AIG1: variants seen among roughly 807,000 people sequenced by gnomAD.
The protein encoded by AIG1 is androgen induced 1.
AIG1 carries 23 observed loss-of-function variants against 31.4 expected under a neutral mutation model. That is an observed-to-expected ratio of 0.73 (90% CI 0.53 to 1.04). The LOEUF is 1.04. AIG1 is among the 50% of genes least tolerant of loss of function. The pLI is 0.00. For synonymous variants in AIG1, 100 were observed against 110.5 expected (o/e 0.90, Z 0.60); for missense variants, 274 against 295.0 (o/e 0.93, Z 0.52).
chr6:143,156,738 T>C (rs1032548943), intron 2 of AIG1, among the ~76,000 whole-genome samples: 2 of 152,216 alleles, frequency 1.3e-5, no homozygotes, highest in African/African-American at 4.8e-5. Flanking sequence ...CATATTGCAG[T>C]TGTAACTGAG....
At chr6:143,125,332 A>G (rs1341247636) in intron 1 of AIG1, among the ~76,000 whole-genome samples, 1 of 152,240 alleles carries the variant, frequency 6.6e-6, no homozygotes, top group Non-Finnish European at 1.5e-5. Context: ...ACTTAAAAGC[A>G]TATTCACCTT....
At chr6:143,213,342 G>A (rs953704376) in intron 3 of AIG1, among the ~76,000 whole-genome samples, 14 of 152,012 alleles carry the variant, frequency 9.2e-5, no homozygotes, top group African/African-American at 3.4e-4. Flanking sequence ...CATCGTTGAA[G>A]TGAGAAACAG....
chr6:143,105,323 AGT>A (rs1466430126), intron 1 of AIG1, among the ~76,000 whole-genome samples: 1 of 152,192 alleles, frequency 6.6e-6, no homozygotes, highest in East Asian at 1.9e-4. Flanking sequence ...GGGTGTGAGT[AGT>A]GTTCAAGATG....
intron 1 of AIG1, among the ~76,000 whole-genome samples, chr6:143,098,381 C>G (rs541525164): frequency 3.9e-5 from 6 of 152,300 alleles, no homozygotes; most frequent in Non-Finnish European, 8.8e-5. Context: ...AAGTGACACT[C>G]TTACCTTTCT....
intron 3 of AIG1, among the ~76,000 whole-genome samples, chr6:143,238,113 G>A (rs1204001513): frequency 2.0e-5 from 3 of 152,038 alleles, no homozygotes; most frequent in African/African-American, 4.8e-5. Context: ...GCTAATTTTT[G>A]TATTTTTAGT....
At chr6:143,147,576 A>G (rs1469899657) in intron 2 of AIG1, among the ~76,000 whole-genome samples, 1 of 152,148 alleles carries the variant, frequency 6.6e-6, no homozygotes, top group African/African-American at 2.4e-5. Context: ...CGGCTATTAC[A>G]CTAGATAATA....
rs1797584922 is a variant in AIG1, at chr6:143,284,885, C to T, written c.515+660C>T. Among the ~76,000 whole-genome samples, 1 of 152,156 alleles carries T rather than the reference C, an allele frequency of 6.6e-6. No homozygotes were observed. Among genetic ancestry groups the T allele is most frequent in the Non-Finnish European group, 1.5e-5 (1 of 68,016 alleles). The stretch of plus-strand genomic sequence containing the variant: ...ATTTCAGTTCTTATCAGGTTTTTAA[C>T]ACTTCAAAAATTATTTATCTTAACA... On this transcript the variant is annotated intron_variant, in intron 4 of 5. Transcript: ENST00000357847. This position sits in a 1 kb window ranked among gnomAD's most constrained non-coding sequence, Gnocchi z 4.4.
chr6:143,264,502 A>G (rs117816593), intron 3 of AIG1, among the ~76,000 whole-genome samples: 1,571 of 152,314 alleles, frequency 0.01, 45 homozygotes, highest in East Asian at 0.065. Flanking sequence ...AGGAAGCCCC[A>G]CAGGAGGTGC....
Position 143,121,583 on chromosome 6 carries a change from A to G in AIG1, c.142-15252A>G, listed in dbSNP as rs569245196. ...TTAGCTATTTGGAGAAGCTATTAAA[A>G]CCATTTGCTAGGAGCAATTCCAGTG... On this transcript the variant is annotated intron_variant, in intron 1 of 5. Coordinates refer to ENST00000357847, the MANE Select transcript of AIG1 (RefSeq NM_016108.4). 3.3e-5 allele frequency among the ~76,000 whole-genome samples: 5 copies of G among 152,190 alleles called. No individual in the cohort carries two copies. In the South Asian group the frequency reaches 8.3e-4, roughly 25 times the overall value.
chr6:143,080,767 T>G (rs1778175720), intron 1 of AIG1, among the ~76,000 whole-genome samples: 1 of 152,086 alleles, frequency 6.6e-6, no homozygotes, highest in African/African-American at 2.4e-5. Flanking sequence ...TCGGGTTCCT[T>G]TGGCAGTATC....
intron 3 of AIG1, among the ~76,000 whole-genome samples, chr6:143,210,560 C>A (rs146579568): frequency 3.9e-5 from 6 of 152,258 alleles, no homozygotes; most frequent in African/African-American, 1.4e-4. Context: ...AAAGTGTAAA[C>A]CCTCTGTGTA....
In AIG1 at chr6:143,127,082, C is replaced by T. The variant is rs74900316; in HGVS notation, c.142-9753C>T. ...TTTTATATGTAGATAGACTATTCCT[C>T]TCTGGATTACATATAAATTTATTAA... On this transcript the variant is annotated intron_variant, in intron 1 of 5. Transcript: ENST00000357847. Among the ~76,000 whole-genome samples the T allele has an allele frequency of 4.4e-3, 676 of 152,290 alleles. 3 individuals are homozygous for T. Among genetic ancestry groups the T allele is most frequent in the Non-Finnish European group, 7.8e-3 (531 of 68,026 alleles).
intron 3 of AIG1, 108 bp downstream of exon 3, chr6:143,165,291 C>T: frequency 1.2e-6 from 1 of 809,440 alleles, no homozygotes; most frequent in South Asian, 1.7e-5. Flanking sequence ...GCCATGAAAT[C>T]TTGGAAGGTT....
At chr6:143,303,619 G>T (rs1799003974) in intron 4 of AIG1, among the ~76,000 whole-genome samples, 1 of 150,740 alleles carries the variant, frequency 6.6e-6, no homozygotes, top group Non-Finnish European at 1.5e-5. Context: ...TGCTGTTTTG[G>T]TTACTGTAGC....
intron 1 of AIG1, among the ~76,000 whole-genome samples, chr6:143,117,558 C>T (rs1278020583): frequency 6.6e-6 from 1 of 152,118 alleles, no homozygotes; most frequent in African/African-American, 2.4e-5. Flanking sequence ...GGGGAGAGCT[C>T]AAGGAGTTCA....
intron 3 of AIG1, among the ~76,000 whole-genome samples, chr6:143,215,403 G>T (rs756158501): frequency 6.6e-6 from 1 of 152,036 alleles, no homozygotes; most frequent in Non-Finnish European, 1.5e-5. Context: ...TTTTATCTGG[G>T]TATGTGGCCA....
At chr6:143,163,148 C>T (rs990960914) in intron 2 of AIG1, among the ~76,000 whole-genome samples, 4 of 152,130 alleles carry the variant, frequency 2.6e-5, no homozygotes, top group African/African-American at 7.2e-5. Flanking sequence ...AATCATGGGG[C>T]GGGGTAGTAC....
chr6:143,287,555 T>G (rs1156874762), intron 4 of AIG1, among the ~76,000 whole-genome samples: 1 of 152,040 alleles, frequency 6.6e-6, no homozygotes, highest in Non-Finnish European at 1.5e-5. Context: ...GTTTTTTATT[T>G]TGTTTAGAAG....
chr6:143,246,012 T>G (rs1794597084), intron 3 of AIG1, among the ~76,000 whole-genome samples: 1 of 152,088 alleles, frequency 6.6e-6, no homozygotes, highest in Non-Finnish European at 1.5e-5. Context: ...GCTGTTGAGC[T>G]TAAAAAAAAG....
Sources: gnomAD v4.1 joint callset for allele counts (sites outside exome capture counted in the v4.1 genomes callset) on GRCh38, gnomAD v4.1.1 for gene constraint, Gnocchi (gnomAD v3.1) non-coding constraint, MANE v1.5 for transcripts, NCBI Gene and HGNC (gene_info 2026-07-23, HGNC 2026-07-21) for gene names.